Variants in ITGA11 observed in about 807,000 individuals in gnomAD.
ITGA11 encodes integrin alpha-11.
A neutral mutation model predicts 141.9 loss-of-function variants in ITGA11; 97 were observed. The observed-to-expected ratio is 0.68, with a 90% CI of 0.58 to 0.81. The LOEUF is 0.81. Among genes scored for constraint, ITGA11 ranks in the 30% least tolerant of loss-of-function variants. The probability of loss-of-function intolerance (pLI) is 0.00; values close to 1 mark genes in which losing one functional copy is unlikely to be tolerated. For missense variants in ITGA11, 1,387 were observed against 1,559.2 expected (o/e 0.89, Z 1.86); for synonymous variants, 658 against 624.6 (o/e 1.05, Z -0.80).
intron 1 of ITGA11, among the ~76,000 whole-genome samples, chr15:68,405,159 C>CTTTT (rs201537337): frequency 0.06 from 7,090 of 118,700 alleles, 435 homozygotes; most frequent in Middle Eastern, 0.081. Flanking sequence ...CACTGTCTCC[C>CTTTT]TTTTTTTTTT....
intron 2 of ITGA11, among the ~76,000 whole-genome samples, chr15:68,397,137 T>TAATA (rs368249637): frequency 0.92 from 44 of 48 alleles, 21 homozygotes; most frequent in Admixed American, 1. Context: ...ATATAATAAA[T>TAATA]TATTATATAT....
chr15:68,348,332 AC>A (rs1259025829), intron 10 of ITGA11, among the ~76,000 whole-genome samples: 12 of 152,068 alleles, frequency 7.9e-5, no homozygotes, highest in African/African-American at 2.7e-4. Context: ...ACATCTGGAT[AC>A]CCTCCCAACA....
intron 1 of ITGA11, 149 bp from the exon 2 acceptor site, chr15:68,403,178 T>C (rs1453439473): frequency 1.6e-6 from 1 of 627,426 alleles, no homozygotes; most frequent in Admixed American, 2.6e-5. Flanking sequence ...GGGGAGTCCC[T>C]GTATGAGGTG....
chr15:68,332,458 A>G lies in ITGA11; in HGVS notation c.1446T>C (p.Ser482=). ...RGQQIGSYFG[S]EITSVDIDGD... is the part of the protein sequence containing the mutation. ...CGTCGATGTCCACCGAGGTGATTTCACTCCCAAAGTAAGAGCCTATCTGCG... is the reference window on the plus strand; with the variant it reads ...CGTCGATGTCCACCGAGGTGATTTCGCTCCCAAAGTAAGAGCCTATCTGCG... Residue 482 remains serine (S), a synonymous_variant, in exon 13 of 30, where the codon AGT becomes AGC. Coordinates refer to ENST00000315757, the MANE Select transcript of ITGA11 (RefSeq NM_001004439.2). The G allele has an allele frequency of 6.2e-7, 1 of 1,611,988 alleles. No homozygotes were observed. Among genetic ancestry groups the G allele is most frequent in the Non-Finnish European group, 8.5e-7 (1 of 1,179,256 alleles).
chr15:68,312,740 T>A, intron 24 of ITGA11, 33 bp downstream of exon 24: 1 of 1,520,312 alleles, frequency 6.6e-7, no homozygotes, highest in Non-Finnish European at 9.1e-7. Context: ...GATCCCGTCC[T>A]TCCCCCTCTA....
intron 2 of ITGA11, among the ~76,000 whole-genome samples, chr15:68,395,786 G>A (rs936581012): frequency 1.3e-4 from 19 of 142,420 alleles, no homozygotes; most frequent in African/African-American, 4.6e-4. Flanking sequence ...ACGAGTCAAT[G>A]GGTGCAGCAA....
At chr15:68,423,878 G>A (rs1897077834) in intron 1 of ITGA11, among the ~76,000 whole-genome samples, 1 of 152,064 alleles carries the variant, frequency 6.6e-6, no homozygotes, top group Admixed American at 6.5e-5. Flanking sequence ...TGAGTCAGGT[G>A]CTTCCTTCAC....
At position 68,333,254 on chromosome 15, in the gene ITGA11, C is replaced by T. The variant is rs116373674; in HGVS notation, c.1426-776G>A. 0.022 allele frequency among the ~76,000 whole-genome samples: 3,321 copies of T among 152,108 alleles called. 131 individuals carry two copies. Among genetic ancestry groups the T allele is most frequent in the African/African-American group, 0.073 (3,047 of 41,474 alleles). On this transcript the variant is annotated intron_variant, in intron 12 of 29. Transcript: ENST00000315757. The surrounding 1 kb of genome is among the most constrained non-coding windows in gnomAD (Gnocchi z 4.2). ...AGCTGGGACCACAGGCACTTACCAC[C>T]GCTCCTGGCTGTTTTAAAAAATTAT... is the stretch of plus-strand genomic sequence containing the variant.
At chr15:68,342,244 A>G (rs1201067448) in intron 10 of ITGA11, among the ~76,000 whole-genome samples, 4 of 152,178 alleles carry the variant, frequency 2.6e-5, no homozygotes, top group Non-Finnish European at 5.9e-5. Context: ...TCCCGGGAAG[A>G]GCTGTGTCCC....
intron 1 of ITGA11, among the ~76,000 whole-genome samples, chr15:68,419,994 A>T (rs1413012732): frequency 6.6e-6 from 1 of 152,172 alleles, no homozygotes; most frequent in Non-Finnish European, 1.5e-5. Context: ...GCTCAGACTC[A>T]GTCTCTCCAC....
Position 68,312,783 on chromosome 15 carries a change from C to G in ITGA11, c.2963G>C (p.Cys988Ser), listed in dbSNP as rs757895032. The G allele has an allele frequency of 9.9e-6, 16 of 1,611,934 alleles. No individual in the cohort carries two copies. The East Asian group carries it at 2.5e-4, about 25-fold the overall frequency. ...RYDGIGPPFS[C>S]IFRIQNLGLF... ...CCCCTCCAGCCTCACCCTGAAGATG[C>G]AGCTGAAGGGAGGCCCGATACCATC... The change falls in exon 24 of 30, where the codon TGC becomes TCC. Residue 988 changes from cysteine to serine, a missense_variant. Coordinates refer to ENST00000315757, the MANE Select transcript of ITGA11 (RefSeq NM_001004439.2).
chr15:68,422,472 G>A (rs934066440), intron 1 of ITGA11, among the ~76,000 whole-genome samples: 3 of 152,020 alleles, frequency 2.0e-5, no homozygotes, highest in Non-Finnish European at 4.4e-5. Context: ...GTGTCCCCTT[G>A]CTGGGTCGCT....
chr15:68,355,113 GAGTC>G (rs1402573279), intron 7 of ITGA11, among the ~76,000 whole-genome samples: 13 of 152,202 alleles, frequency 8.5e-5, no homozygotes, highest in Non-Finnish European at 1.6e-4. Flanking sequence ...ATCCCTGTAT[GAGTC>G]AGTTAGCTTC....
intron 2 of ITGA11, among the ~76,000 whole-genome samples, chr15:68,383,729 T>C (rs564368188): frequency 1.2e-4 from 19 of 152,334 alleles, no homozygotes; most frequent in Admixed American, 7.8e-4. Context: ...ACTCTCAAGA[T>C]ACAGGGAATT....
At chr15:68,384,534 TTTC>T in intron 2 of ITGA11, among the ~76,000 whole-genome samples, 1 of 152,258 alleles carries the variant, frequency 6.6e-6, no homozygotes, top group South Asian at 2.1e-4. Flanking sequence ...TGCAGCTCAT[TTTC>T]TTCTTGTCTG....
intron 10 of ITGA11, among the ~76,000 whole-genome samples, chr15:68,348,379 GC>G (rs932567848): frequency 3.3e-5 from 5 of 152,220 alleles, no homozygotes; most frequent in Non-Finnish European, 5.9e-5. Flanking sequence ...GCCGCCTTGG[GC>G]ACTGGAGCTA....
At position 68,307,964 on chromosome 15, in the gene ITGA11, T is replaced by C. The variant is rs1015602047; in HGVS notation, c.3175-268A>G. Among the ~76,000 whole-genome samples the C allele has an allele frequency of 2.0e-5, 3 of 152,178 alleles. No homozygotes were observed. The highest frequency in any genetic ancestry group is 7.2e-5 in the African/African-American group (3 of 41,420). On this transcript the variant is annotated intron_variant, in intron 26 of 29. Transcript: ENST00000315757. This position sits in a 1 kb window ranked among gnomAD's most constrained non-coding sequence, Gnocchi z 6.1. ...CCAGGGACAGAACTTTTGTTCAACA[T>C]TAGGGAATCTATAAATGTTTCCTAT...
chr15:68,402,897 T>C (rs1348941446), intron 2 of ITGA11, 21 bp downstream of exon 2: 4 of 1,545,380 alleles, frequency 2.6e-6, no homozygotes, highest in East Asian at 4.5e-5. Flanking sequence ...GGGCTGGGTG[T>C]GGGCGGCCGC....
At chr15:68,369,370 T>C (rs1595881305) in intron 2 of ITGA11, 86 bp from the exon 3 acceptor site, 1 of 158,232 alleles carries the variant, frequency 6.3e-6, no homozygotes, top group Admixed American at 9.3e-5. Flanking sequence ...AGTGTGGAGG[T>C]GAAGTTGGGT....
Sources: gnomAD v4.1 joint callset for allele counts (sites outside exome capture counted in the v4.1 genomes callset) on GRCh38, gnomAD v4.1.1 for gene constraint, Gnocchi (gnomAD v3.1) non-coding constraint, MANE v1.5 for transcripts, NCBI Gene and HGNC (gene_info 2026-07-23, HGNC 2026-07-21) for gene names.